The following SIPA1L1 variants were observed in gnomAD, a reference collection of about 807,000 sequenced individuals.
SIPA1L1 encodes the protein signal induced proliferation associated 1 like 1.
SIPA1L1 carries 26 observed loss-of-function variants against 162.7 expected under a neutral mutation model. The ratio of observed to expected loss-of-function variants is 0.16; its 90% CI spans 0.12 to 0.22. SIPA1L1 has a LOEUF of 0.22. Ranked by LOEUF, SIPA1L1 falls within the 10% of genes least tolerant of loss-of-function variation. The pLI, the probability that SIPA1L1 is intolerant of heterozygous loss-of-function variation, is 1.00. For missense variants in SIPA1L1, 1,874 were observed against 2,241.0 expected (o/e 0.84, Z 3.31); for synonymous variants, 829 against 837.4 (o/e 0.99, Z 0.17).
chr14:71,683,091 C>T (rs1362935251), intron 12 of SIPA1L1, among the ~76,000 whole-genome samples: 1 of 152,182 alleles, frequency 6.6e-6, no homozygotes, highest in East Asian at 1.9e-4. Context: ...GAGGTTGAGG[C>T]TGTGGTGAAC....
At chr14:71,658,224 C>T in intron 8 of SIPA1L1, 109 bp from the exon 9 acceptor site, 1 of 644,160 alleles carries the variant, frequency 1.6e-6, no homozygotes, top group Non-Finnish European at 2.6e-6. Flanking sequence ...AGAATCTTTT[C>T]ATCCTAAATC....
chr14:71,448,621 G>T (rs576030803), intron 2 of SIPA1L1: 1 of 152,322 alleles, frequency 6.6e-6, no homozygotes, highest in African/African-American at 2.4e-5. Flanking sequence ...GCATTAATGT[G>T]TTATGTTTCC....
intron 4 of SIPA1L1, chr14:71,573,901 G>C: frequency 6.0e-6 from 2 of 335,650 alleles, no homozygotes; most frequent in South Asian, 4.6e-5. Flanking sequence ...TCTTGTGCTT[G>C]TGTTCTGTCA....
chr14:71,602,992 C>T (rs2036968217), intron 5 of SIPA1L1, among the ~76,000 whole-genome samples: 1 of 152,164 alleles, frequency 6.6e-6, no homozygotes, highest in Admixed American at 6.5e-5. Context: ...TGGAGTCTTT[C>T]TCTTTAAATC....
chr14:71,557,505 G>A (rs924990103), intron 4 of SIPA1L1, among the ~76,000 whole-genome samples: 2 of 152,138 alleles, frequency 1.3e-5, no homozygotes, highest in African/African-American at 4.8e-5. Context: ...TGCACAAAGG[G>A]GCCACTTGCA....
At chr14:71,428,516 C>T (rs1166877778) in intron 2 of SIPA1L1, among the ~76,000 whole-genome samples, 2 of 151,892 alleles carry the variant, frequency 1.3e-5, no homozygotes, top group Admixed American at 6.6e-5. Context: ...TGCATGGTCA[C>T]GTTCTAATTT....
chr14:71,665,194 C>G (rs1290566867), intron 10 of SIPA1L1, among the ~76,000 whole-genome samples: 4 of 152,058 alleles, frequency 2.6e-5, no homozygotes. Context: ...TTTATCCAGC[C>G]CTTAGCATAT....
chr14:71,400,112 G>T (rs2041552922), intron 2 of SIPA1L1, among the ~76,000 whole-genome samples: 1 of 152,086 alleles, frequency 6.6e-6, no homozygotes, highest in African/African-American at 2.4e-5. Context: ...GGCATCAGCT[G>T]AGGTACCAGA....
At chr14:71,552,610 A>G (rs150438907) in intron 4 of SIPA1L1, among the ~76,000 whole-genome samples, 32 of 151,690 alleles carry the variant, frequency 2.1e-4, no homozygotes, top group Non-Finnish European at 4.1e-4. Context: ...GTTAGCCAAG[A>G]TGGTCTCGAT....
intron 2 of SIPA1L1, among the ~76,000 whole-genome samples, chr14:71,450,056 TAAAA>T (rs1314469149): frequency 1.3e-5 from 2 of 152,142 alleles, no homozygotes; most frequent in Non-Finnish European, 2.9e-5. Context: ...AAATAAAACT[TAAAA>T]AATAAAAATT....
At chr14:71,485,663 GTAATAA>G (rs2048698051) in intron 2 of SIPA1L1, among the ~76,000 whole-genome samples, 1 of 151,588 alleles carries the variant, frequency 6.6e-6, no homozygotes, top group Admixed American at 6.6e-5. Context: ...GTATTATAAT[GTAATAA>G]TAATAAAAAT....
At chr14:71,378,734 A>G (rs1449092758) in intron 2 of SIPA1L1, among the ~76,000 whole-genome samples, 1 of 151,944 alleles carries the variant, frequency 6.6e-6, no homozygotes, top group African/African-American at 2.4e-5. Context: ...TTGAAAATCT[A>G]TGATGATTTT....
intron 19 of SIPA1L1, among the ~76,000 whole-genome samples, chr14:71,729,805 C>T (rs1053188641): frequency 6.6e-6 from 1 of 152,214 alleles, no homozygotes; most frequent in Non-Finnish European, 1.5e-5. Flanking sequence ...TTGATAGGTC[C>T]ACTTAATCAC....
intron 2 of SIPA1L1, among the ~76,000 whole-genome samples, chr14:71,462,691 TCCC>T: frequency 6.6e-6 from 1 of 152,180 alleles, no homozygotes; most frequent in Non-Finnish European, 1.5e-5. Flanking sequence ...TGCAAATATC[TCCC>T]CAATAAGTCC....
chr14:71,345,295 T>C (rs1320144890), intron 2 of SIPA1L1, among the ~76,000 whole-genome samples: 1 of 152,128 alleles, frequency 6.6e-6, no homozygotes, highest in Non-Finnish European at 1.5e-5. Context: ...CTCATGCTCT[T>C]TCATGCACTT....
At chr14:71,577,069 C>A (rs1027981490) in intron 4 of SIPA1L1, among the ~76,000 whole-genome samples, 1,030 of 110,888 alleles carry the variant, frequency 9.3e-3, no homozygotes, top group Admixed American at 0.012. Context: ...GGTGACAGAG[C>A]AAAAAAAAAA....
intron 13 of SIPA1L1, among the ~76,000 whole-genome samples, chr14:71,687,090 T>C (rs976478076): frequency 8.5e-5 from 13 of 152,232 alleles, no homozygotes; most frequent in African/African-American, 3.1e-4. Context: ...TAGGATACCA[T>C]GTAGAAATAA....
chr14:71,520,245 TG>T (rs1218934256), intron 3 of SIPA1L1, among the ~76,000 whole-genome samples: 1 of 152,204 alleles, frequency 6.6e-6, no homozygotes, highest in African/African-American at 2.4e-5. Flanking sequence ...TAAATTACAG[TG>T]GTGGAAGCCT....
In SIPA1L1 at chr14:71,588,038, C is replaced by A. The variant is rs12884638; in HGVS notation, c.166C>A (p.Pro56Thr). 0.011 allele frequency: 17,959 copies of A among 1,613,896 alleles called. 117 individuals carry two copies. Among genetic ancestry groups the A allele is most frequent in the Non-Finnish European group, 0.014 (15,984 of 1,179,900 alleles). ...LGSSVMAPVG[P>T]PRSEGSHHIT... ...ATCATCAGTTATGGCTCCTGTAGGACCCCCCCGAAGTGAAGGTTCTCACCA... is the reference window on the plus strand; with the variant it reads ...ATCATCAGTTATGGCTCCTGTAGGAACCCCCCGAAGTGAAGGTTCTCACCA... Residue 56 changes from proline to threonine, a missense_variant, in exon 5 of 24, where the codon CCC (proline) becomes ACC (threonine). By Grantham distance (38) the Pro-to-Thr change is conservative (BLOSUM62 -1). This residue lies in a region of SIPA1L1 where 685 missense variants were observed against 828.0 expected (regional missense o/e 0.83). Transcript: ENST00000381232. The surrounding 1 kb of genome is among the most constrained non-coding windows in gnomAD (Gnocchi z 4.3).
Sources: gnomAD v4.1 joint callset for allele counts (sites outside exome capture counted in the v4.1 genomes callset) on GRCh38, gnomAD v4.1.1 for gene constraint, gnomAD v4.1.1 regional missense constraint, Gnocchi (gnomAD v3.1) non-coding constraint, MANE v1.5 for transcripts, NCBI Gene and HGNC (gene_info 2026-07-23, HGNC 2026-07-21) for gene names.